CCDC179: variants seen among roughly 807,000 people sequenced by gnomAD.
CCDC179 encodes coiled-coil domain containing 179.
Under a neutral mutation model 12.0 loss-of-function variants are expected in CCDC179, and 17 were observed. The ratio of observed to expected loss-of-function variants is 1.42; its 90% CI spans 0.97 to 2.13. CCDC179 has a LOEUF of 2.13. CCDC179 is among the 30% of genes most tolerant of loss of function. The probability of loss-of-function intolerance (pLI) is 0.00; values close to 1 mark genes in which losing one functional copy is unlikely to be tolerated. For synonymous variants in CCDC179, 27 were observed against 26.4 expected (o/e 1.02, Z -0.07); for missense variants, 83 against 78.6 (o/e 1.06, Z -0.21).
chr11:22,858,079 G>A, intron 2 of CCDC179, 53 bp from the exon 3 acceptor site: 14 of 1,127,254 alleles, frequency 1.2e-5, no homozygotes, highest in African/African-American at 1.6e-5. Context: ...AACATATAAA[G>A]GTAACATTCT....
chr11:22,860,364 C>T lies in CCDC179; in HGVS notation c.45+13G>A. 2 of 1,535,442 alleles carry T rather than the reference C, an allele frequency of 1.3e-6. No homozygotes were observed. The highest frequency in any genetic ancestry group is 1.4e-5 in the African/African-American group (1 of 73,146). ...AGTGGCAGAGTTGAGGTTGTAGGCC[C>T]CAGCAGACTCACAGGGTTGACTTGG... On this transcript the variant is annotated intron_variant, in intron 1 of 3. Transcript: ENST00000532798.
At chr11:22,850,930 G>T (rs1255040055) in intron 3 of CCDC179, among the ~76,000 whole-genome samples, 3 of 94,944 alleles carry the variant, frequency 3.2e-5, no homozygotes, top group Admixed American at 1.3e-4. Context: ...GAAAATATAT[G>T]TTGCATAGGC....
intron 3 of CCDC179, among the ~76,000 whole-genome samples, chr11:22,848,542 G>C (rs547221718): frequency 6.6e-6 from 1 of 152,114 alleles, no homozygotes; most frequent in African/African-American, 2.4e-5. Flanking sequence ...CACGTCCTCT[G>C]TTGTACTGGG....
Position 22,847,530 on chromosome 11 carries a change from G to T in CCDC179, c.196-9C>A. On this transcript the variant is annotated splice_polypyrimidine_tract_variant and intron_variant, in intron 3 of 3. Transcript: ENST00000532798. ...CTTTATCAAGATGACCACTAGACAA[G>T]ATTAAAATACACAAAGAATAAGAAA... The T allele has an allele frequency of 2.2e-6, 3 of 1,365,894 alleles. No homozygotes were observed. Among genetic ancestry groups the T allele is most frequent in the Non-Finnish European group, 2.9e-6 (3 of 1,031,090 alleles). The allele number at this position is 1,365,894 out of a possible 1,614,324, so 84.6% of individuals were successfully genotyped here.
Position 22,857,903 on chromosome 11 carries a change from G to A in CCDC179, c.195+19C>T, listed in dbSNP as rs1442373796. 8.0e-7 allele frequency: 1 copy of A among 1,249,188 alleles called. No individual in the cohort carries two copies. The highest frequency in any genetic ancestry group is 1.1e-6 in the Non-Finnish European group (1 of 924,924). 77.4% of individuals were successfully genotyped at this position (1,249,188 alleles called of 1,614,324 possible). On this transcript the variant is annotated intron_variant, in intron 3 of 3. Transcript: ENST00000532798. The stretch of plus-strand genomic sequence containing the variant: ...TGCATTTAATGATCTGTTAATTTCA[G>A]TGAAACCTCTATACTTACTAGGAGT...
chr11:22,856,564 C>T (rs10833843), intron 3 of CCDC179, among the ~76,000 whole-genome samples: 74,919 of 151,114 alleles, frequency 0.5, 19,254 homozygotes, highest in Middle Eastern at 0.7. Flanking sequence ...TAGTCACTGT[C>T]AAGAAACCAG....
At chr11:22,857,435 G>T (rs1258187780) in intron 3 of CCDC179, among the ~76,000 whole-genome samples, 2 of 151,516 alleles carry the variant, frequency 1.3e-5, no homozygotes, top group Non-Finnish European at 3.0e-5. Flanking sequence ...TCAACAAATG[G>T]TACTAGAACT....
In CCDC179 at chr11:22,858,927, T is replaced by C. The variant is rs528748199; in HGVS notation, c.90+525A>G. ...TATATACAGCAATGTAGATAAATCTTAGGAAATAATATTGAGAAAAAAGAG... is the reference window on the plus strand; with the variant it reads ...TATATACAGCAATGTAGATAAATCTCAGGAAATAATATTGAGAAAAAAGAG... On this transcript the variant is annotated intron_variant, in intron 2 of 3. Transcript: ENST00000532798. Among the ~76,000 whole-genome samples, 7 of 152,192 alleles carry C rather than the reference T, an allele frequency of 4.6e-5. No homozygotes were observed. In the South Asian group the frequency reaches 1.2e-3, roughly 27 times the overall value.
chr11:22,848,510 C>T (rs1041421596), intron 3 of CCDC179, among the ~76,000 whole-genome samples: 68 of 152,148 alleles, frequency 4.5e-4, no homozygotes, highest in African/African-American at 1.6e-3. Flanking sequence ...CTTCTTTTAA[C>T]AACTGTGTTC....
At chr11:22,858,062 T>G in intron 2 of CCDC179, 36 bp from the exon 3 acceptor site, 2 of 1,324,086 alleles carry the variant, frequency 1.5e-6, no homozygotes, top group East Asian at 2.6e-5. Flanking sequence ...AAATCATACT[T>G]TTTTGTAACA....
Position 22,858,448 on chromosome 11 carries a change from C to T in CCDC179, c.91-422G>A, listed in dbSNP as rs550943433. The stretch of plus-strand genomic sequence containing the variant: ...AGCTTTTTATGCCACCATTGTGTGG[C>T]GTCTACAAGTAGCAGATACCTAGGA... On this transcript the variant is annotated intron_variant, in intron 2 of 3. Coordinates refer to ENST00000532798, the MANE Select transcript of CCDC179 (RefSeq NM_001195637.2). Among the ~76,000 whole-genome samples, 8 of 152,052 alleles carry T rather than the reference C, an allele frequency of 5.3e-5. No homozygotes were observed. In the South Asian group the frequency reaches 1.4e-3, roughly 28 times the overall value.
chr11:22,856,736 G>A (rs1323194864), intron 3 of CCDC179, among the ~76,000 whole-genome samples: 1 of 151,530 alleles, frequency 6.6e-6, no homozygotes, highest in South Asian at 2.1e-4. Flanking sequence ...TTCGTTCACA[G>A]ACGACCTGAC....
intron 1 of CCDC179, among the ~76,000 whole-genome samples, chr11:22,860,124 C>A (rs1858627763): frequency 6.6e-6 from 1 of 152,216 alleles, no homozygotes; most frequent in African/African-American, 2.4e-5. Flanking sequence ...CCTCCTAGGG[C>A]AGGCCAATGG....
chr11:22,859,851 G>A (rs1310030189), intron 1 of CCDC179, among the ~76,000 whole-genome samples: 2 of 152,158 alleles, frequency 1.3e-5, no homozygotes, highest in Non-Finnish European at 2.9e-5. Context: ...GTGCTATTGA[G>A]CAATCTAGTC....
chr11:22,850,247 G>T (rs953603993), intron 3 of CCDC179, among the ~76,000 whole-genome samples: 8 of 152,142 alleles, frequency 5.3e-5, no homozygotes, highest in Non-Finnish European at 1.0e-4. Flanking sequence ...AAATGATTTG[G>T]AGCTGCTTTT....
intron 3 of CCDC179, among the ~76,000 whole-genome samples, chr11:22,851,371 C>T (rs1462750588): frequency 6.6e-6 from 1 of 151,956 alleles, no homozygotes. Context: ...GAAAGATAAT[C>T]CTCACAGTCT....
chr11:22,856,014 TA>T (rs996394491), intron 3 of CCDC179, among the ~76,000 whole-genome samples: 5 of 151,376 alleles, frequency 3.3e-5, no homozygotes, highest in Admixed American at 3.3e-4. Context: ...ATTATCTATT[TA>T]AAAAATTAAT....
At chr11:22,849,904 G>C (rs1006030911) in intron 3 of CCDC179, among the ~76,000 whole-genome samples, 1 of 152,274 alleles carries the variant, frequency 6.6e-6, no homozygotes, top group African/African-American at 2.4e-5. Flanking sequence ...TCTCTAGTGA[G>C]AGAGAGGAGA....
intron 3 of CCDC179, among the ~76,000 whole-genome samples, chr11:22,857,403 C>T (rs1858552874): frequency 6.6e-6 from 1 of 151,532 alleles, no homozygotes. Context: ...AAAGGCAATA[C>T]AATAGAGAAA....
Sources: gnomAD v4.1 joint callset for allele counts (sites outside exome capture counted in the v4.1 genomes callset) on GRCh38, gnomAD v4.1.1 for gene constraint, MANE v1.5 for transcripts, NCBI Gene and HGNC (gene_info 2026-07-23, HGNC 2026-07-21) for gene names.